The following ATP2B2 variants were observed in gnomAD, a reference collection of about 807,000 sequenced individuals.
ATP2B2 encodes the protein ATPase plasma membrane Ca2+ transporting 2, also known as plasma membrane calcium-transporting ATPase 2.
In ATP2B2, 15 loss-of-function variants were observed where a neutral mutation model predicts 120.0. That is an observed-to-expected ratio of 0.12 (90% CI 0.08 to 0.19). ATP2B2 has a LOEUF of 0.19. Ranked by LOEUF, ATP2B2 falls within the 10% of genes least tolerant of loss-of-function variation. The pLI is 1.00. For synonymous variants in ATP2B2, 694 were observed against 700.3 expected, an observed-to-expected ratio of 0.99 and a Z score of 0.14; for missense variants, 1,045 against 1,719.8, an observed-to-expected ratio of 0.61 and a Z score of 6.94.
At chr3:10,703,856 T>C (rs998634167) in intron 1 of ATP2B2, among the ~76,000 whole-genome samples, 1 of 152,172 alleles carries the variant, frequency 6.6e-6, no homozygotes, top group African/African-American at 2.4e-5. Flanking sequence ...CCCAACCGCT[T>C]CCTTTATGGA....
At chr3:10,622,524 G>T (rs2069578960) in intron 1 of ATP2B2, among the ~76,000 whole-genome samples, 1 of 152,128 alleles carries the variant, frequency 6.6e-6, no homozygotes, top group Non-Finnish European at 1.5e-5. Context: ...GATGGTTCTG[G>T]AATGATATGT....
chr3:10,494,842 A>G lies in ATP2B2; in HGVS notation c.-320+10623T>C, dbSNP rs549846428. On this transcript the variant is annotated intron_variant, in intron 1 of 22. Coordinates refer to ENST00000360273, the MANE Select transcript of ATP2B2 (RefSeq NM_001001331.4). ...CGTACATATCTCGAATCATCTCCAC[A>G]ATGGCTATGGTCATTTCCCCCCAAG... Among the ~76,000 whole-genome samples the G allele has an allele frequency of 2.6e-4, 39 of 152,212 alleles. 1 individual carries two copies. In the South Asian group the frequency reaches 4.6e-3, roughly 18 times the overall value.
rs779439426 is a variant in ATP2B2, at chr3:10,362,153, C to A, written c.1660-2030G>T. ...TGAAGACGAAATAGCTATGAACACGCCTGTGTCCCCCTGAAGTACCAGATG... is the reference window on the plus strand; with the variant it reads ...TGAAGACGAAATAGCTATGAACACGACTGTGTCCCCCTGAAGTACCAGATG... On this transcript the variant is annotated intron_variant, in intron 12 of 22. Coordinates refer to ENST00000360273, the MANE Select transcript of ATP2B2 (RefSeq NM_001001331.4). 2.0e-5 allele frequency among the ~76,000 whole-genome samples: 3 copies of A among 152,356 alleles called. 1 individual carries two copies. The highest frequency in any genetic ancestry group is 2.4e-5 in the African/African-American group (1 of 41,584).
In ATP2B2 at chr3:10,408,910, G is replaced by A. The variant is rs190767550; in HGVS notation, c.397+1708C>T. ...AACGCAGCTGAGGGACAGGACCGAG[G>A]AGCCAGAATGCTTTGGTCTGAGTCA... On this transcript the variant is annotated intron_variant, in intron 3 of 22. Coordinates refer to ENST00000360273, the MANE Select transcript of ATP2B2 (RefSeq NM_001001331.4). Among the ~76,000 whole-genome samples the A allele has an allele frequency of 1.8e-3, 281 of 152,308 alleles. 2 individuals carry two copies. Among genetic ancestry groups the A allele is most frequent in the African/African-American group, 6.3e-3 (261 of 41,548 alleles).
intron 2 of ATP2B2, among the ~76,000 whole-genome samples, chr3:10,599,798 A>G (rs2068857251): frequency 8.5e-6 from 1 of 117,332 alleles, no homozygotes; most frequent in African/African-American, 3.3e-5. Context: ...CTCGTGTTCT[A>G]TAAGGGGGTG....
chr3:10,530,231 T>C (rs964936546), intron 3 of ATP2B2, among the ~76,000 whole-genome samples: 8 of 152,236 alleles, frequency 5.3e-5, no homozygotes, highest in African/African-American at 1.9e-4. Context: ...CAAAACTCAC[T>C]GAGCAGTTGT....
At chr3:10,547,675 AT>A (rs2125506317) in intron 2 of ATP2B2, among the ~76,000 whole-genome samples, 1 of 152,230 alleles carries the variant, frequency 6.6e-6, no homozygotes, top group South Asian at 2.1e-4. Flanking sequence ...GGGAAGACAG[AT>A]CCTTGTTCTC....
intron 2 of ATP2B2, among the ~76,000 whole-genome samples, chr3:10,448,946 GC>G (rs2063933620): frequency 6.6e-6 from 1 of 152,228 alleles, no homozygotes; most frequent in Non-Finnish European, 1.5e-5. Flanking sequence ...GAAAGCAAAA[GC>G]CCCTCCTGGG....
intron 1 of ATP2B2, among the ~76,000 whole-genome samples, chr3:10,650,138 G>A (rs893858900): frequency 1.3e-5 from 2 of 152,360 alleles, no homozygotes; most frequent in South Asian, 4.1e-4. Flanking sequence ...ACAAGAAAAT[G>A]TGGGAAAGTT....
At chr3:10,332,072 G>A (rs2059994701) in intron 22 of ATP2B2, 4 of 1,540,254 alleles carry the variant, frequency 2.6e-6, no homozygotes, top group Admixed American at 2.0e-5. Context: ...TTCAGACAGT[G>A]GAGAGGTCTA....
At position 10,371,841 on chromosome 3, in the gene ATP2B2, C is replaced by T. The variant is rs777396418; in HGVS notation, c.1627G>A (p.Ala543Thr). 90 of 1,614,072 alleles carry T rather than the reference C, an allele frequency of 5.6e-5. No individual in the cohort carries two copies. The highest frequency in any genetic ancestry group is 3.3e-4 in the Admixed American group (20 of 60,016). Reference sequence around the variant, plus strand: ...TTGGTGGTGTAGGCGCTGTTGATGGCGATGGCATTGATCAGCAGCTCCATG... The same window carrying T: ...TTGGTGGTGTAGGCGCTGTTGATGGTGATGGCATTGATCAGCAGCTCCATG... ...KTMELLINAI[A>T]INSAYTTKIL... is the part of the protein sequence containing the mutation. Residue 543 changes from alanine (A) to threonine (T), a missense_variant, in exon 12 of 23, where the codon GCC becomes ACC. By Grantham distance (58) the Ala-to-Thr change is moderately conservative (BLOSUM62 0). This residue lies in a region of ATP2B2 where 343 missense variants were observed against 536.8 expected (regional missense o/e 0.64). Transcript: ENST00000360273.
rs569870694 is a variant in ATP2B2, at chr3:10,679,793, T to C, written c.-460+28122A>G. Among the ~76,000 whole-genome samples the C allele has an allele frequency of 1.4e-3, 215 of 152,318 alleles. 1 individual carries two copies. Among genetic ancestry groups the C allele is most frequent in the African/African-American group, 4.9e-3 (204 of 41,556 alleles). On this transcript the variant is annotated intron_variant, in intron 1 of 21. Coordinates refer to the ATP2B2 transcript ENST00000646379. ...GATATGTGCAATCTGGTGCCATTTA[T>C]GGAAAGCTTAAAAACATACATCTGG...
chr3:10,410,497 C>G (rs1332104085), intron 3 of ATP2B2, 121 bp downstream of exon 3: 1 of 1,316,048 alleles, frequency 7.6e-7, no homozygotes, highest in Non-Finnish European at 1.0e-6. Flanking sequence ...GGCCCTGCCC[C>G]TTGGACCTCG....
intron 1 of ATP2B2, among the ~76,000 whole-genome samples, chr3:10,654,892 C>A (rs2070572620): frequency 6.6e-6 from 1 of 152,070 alleles, no homozygotes; most frequent in Non-Finnish European, 1.5e-5. Flanking sequence ...TGTCCACAAA[C>A]CACATTTAGA....
At chr3:10,585,320 C>G (rs1277097514) in intron 2 of ATP2B2, among the ~76,000 whole-genome samples, 2 of 134,064 alleles carry the variant, frequency 1.5e-5, no homozygotes, top group Non-Finnish European at 3.2e-5. Context: ...CAGGTGAAAC[C>G]CCATCTCTAC....
intron 1 of ATP2B2, among the ~76,000 whole-genome samples, chr3:10,468,264 T>A (rs1424863707): frequency 1.3e-5 from 2 of 152,108 alleles, no homozygotes; most frequent in African/African-American, 4.8e-5. Context: ...GGCTGACAGG[T>A]GCGAGGCCAG....
At position 10,469,269 on chromosome 3, in the gene ATP2B2, C is replaced by T. The variant is rs773496129; in HGVS notation, c.-319-19407G>A. ...AGCCCTGCAAGAGGCACTTTTTACACGTCATCTCATCCGATCCACATCACA... is the reference window on the plus strand; with the variant it reads ...AGCCCTGCAAGAGGCACTTTTTACATGTCATCTCATCCGATCCACATCACA... On this transcript the variant is annotated intron_variant, in intron 1 of 22. Coordinates refer to ENST00000360273, the MANE Select transcript of ATP2B2 (RefSeq NM_001001331.4). Among the ~76,000 whole-genome samples the T allele has an allele frequency of 2.4e-4, 36 of 152,338 alleles. No individual in the cohort carries two copies. The East Asian group carries it at 5.0e-3, about 21-fold the overall frequency.
intron 2 of ATP2B2, among the ~76,000 whole-genome samples, chr3:10,584,207 G>T (rs1198349389): frequency 6.6e-6 from 1 of 152,206 alleles, no homozygotes; most frequent in East Asian, 1.9e-4. Flanking sequence ...CTCAGGGAAG[G>T]CAAGAACACA....
At chr3:10,492,617 CTG>C (rs1329318372) in intron 1 of ATP2B2, among the ~76,000 whole-genome samples, 1 of 152,174 alleles carries the variant, frequency 6.6e-6, no homozygotes, top group East Asian at 1.9e-4. Context: ...CCACGGGAGA[CTG>C]TGAATTGCAG....
Sources: allele counts gnomAD v4.1 joint callset (sites outside exome capture counted in the v4.1 genomes callset), GRCh38; gene constraint gnomAD v4.1.1; regional missense constraint gnomAD v4.1.1; transcripts MANE v1.5; gene names NCBI Gene and HGNC (gene_info 2026-07-23, HGNC 2026-07-21).